The following CFAP54 variants were observed in gnomAD, a reference collection of about 807,000 sequenced individuals.
CFAP54 encodes cilia and flagella associated protein 54, also known as cilia- and flagella-associated protein 54.
In CFAP54, 290 loss-of-function variants were observed where a neutral mutation model predicts 370.4. The ratio of observed to expected loss-of-function variants is 0.78; its 90% CI spans 0.71 to 0.86. The LOEUF (loss-of-function observed/expected upper bound fraction) is 0.86. CFAP54 is among the 40% of genes least tolerant of loss of function. The pLI, the probability that CFAP54 is intolerant of heterozygous loss-of-function variation, is 0.00. For synonymous variants in CFAP54, 1,206 were observed against 1,236.5 expected (o/e 0.98, Z 0.52); for missense variants, 3,399 against 3,528.7 (o/e 0.96, Z 0.93).
chr12:96,621,875 GTTTTTTTTTTTTTTTTTTTT>G (rs71068819), intron 27 of CFAP54, among the ~76,000 whole-genome samples, 154 bp downstream of exon 27: 24 of 50,036 alleles, frequency 4.8e-4, no homozygotes, highest in African/African-American at 2.0e-3. Flanking sequence ...TTTTGGGTTT[GTTTTTTTTTTTTTTTTTTTT>G]TTTTTTTTTT....
intron 19 of CFAP54, among the ~76,000 whole-genome samples, chr12:96,573,685 G>A (rs1955947752): frequency 6.6e-6 from 1 of 152,170 alleles, no homozygotes; most frequent in Non-Finnish European, 1.5e-5. Context: ...GTGAAAAAGT[G>A]GAGGCAATGG....
chr12:96,591,347 G>GA (rs976488217), intron 23 of CFAP54, among the ~76,000 whole-genome samples: 5 of 151,756 alleles, frequency 3.3e-5, no homozygotes, highest in Non-Finnish European at 7.4e-5. Context: ...ATTCGCTAAG[G>GA]AAAAAAAAGA....
At chr12:96,751,009 A>G (rs1288415612) in intron 55 of CFAP54, among the ~76,000 whole-genome samples, 2 of 152,158 alleles carry the variant, frequency 1.3e-5, no homozygotes, top group African/African-American at 4.8e-5. Flanking sequence ...ACACAAATGG[A>G]CTACTTAAAA....
intron 25 of CFAP54, 71 bp downstream of exon 25, chr12:96,594,517 A>G: frequency 4.9e-6 from 6 of 1,225,166 alleles, no homozygotes; most frequent in Non-Finnish European, 6.5e-6. Flanking sequence ...TTTAGAAAAG[A>G]AAAGCCATGT....
intron 63 of CFAP54, among the ~76,000 whole-genome samples, chr12:96,800,289 A>G (rs771247250): frequency 2.6e-5 from 4 of 152,218 alleles, no homozygotes; most frequent in Admixed American, 6.5e-5. Flanking sequence ...GGTTTTATCC[A>G]TCAACAGTTG....
intron 63 of CFAP54, among the ~76,000 whole-genome samples, chr12:96,809,402 C>T (rs1223759793): frequency 1.3e-5 from 2 of 151,984 alleles, no homozygotes; most frequent in African/African-American, 4.8e-5. Flanking sequence ...GAGATGGATT[C>T]AACTTTATAT....
At chr12:96,576,498 C>A in intron 19 of CFAP54, 87 bp from the exon 20 acceptor site, 1 of 993,394 alleles carries the variant, frequency 1.0e-6, no homozygotes, top group South Asian at 2.1e-5. Flanking sequence ...AAAAATATAA[C>A]ATTGTTTAAC....
intron 39 of CFAP54, among the ~76,000 whole-genome samples, chr12:96,664,759 A>ATATATC (rs1295272845): frequency 1.5e-3 from 38 of 26,122 alleles, no homozygotes; most frequent in Admixed American, 1.2e-3. Context: ...ATATATCTAT[A>ATATATC]TATATCTATA....
At chr12:96,582,959 A>G (rs1956045237) in intron 22 of CFAP54, among the ~76,000 whole-genome samples, 2 of 152,168 alleles carry the variant, frequency 1.3e-5, no homozygotes, top group Admixed American at 1.3e-4. Context: ...AGTGCAATCT[A>G]ATTTTCATGA....
intron 46 of CFAP54, 78 bp downstream of exon 46, chr12:96,700,171 G>A (rs1026048454): frequency 8.4e-6 from 12 of 1,426,774 alleles, no homozygotes; most frequent in African/African-American, 5.8e-5. Context: ...ACATTCCCAC[G>A]AAAGTGTATT....
chr12:96,674,336 CTTTTTTTTTTTT>C (rs5800259), intron 39 of CFAP54, among the ~76,000 whole-genome samples: 2 of 125,016 alleles, frequency 1.6e-5, no homozygotes, highest in Admixed American at 1.7e-4. Context: ...CAATGTTTTT[CTTTTTTTTTTTT>C]TTTTGCTTCT....
intron 66 of CFAP54, among the ~76,000 whole-genome samples, chr12:96,860,410 C>G (rs941890858): frequency 1.3e-5 from 2 of 152,290 alleles, no homozygotes; most frequent in Admixed American, 1.3e-4. Context: ...CACGGTGCCT[C>G]TTTTAGATAC....
chr12:96,628,088 C>T (rs761908736), intron 30 of CFAP54, among the ~76,000 whole-genome samples: 3 of 152,082 alleles, frequency 2.0e-5, no homozygotes, highest in Non-Finnish European at 4.4e-5. Flanking sequence ...TACTATATCA[C>T]GAAGATGTGT....
At chr12:96,873,972 G>A (rs1960226153) in intron 67 of CFAP54, among the ~76,000 whole-genome samples, 2 of 152,078 alleles carry the variant, frequency 1.3e-5, no homozygotes, top group Non-Finnish European at 1.5e-5. Flanking sequence ...GTTCTCCGTA[G>A]CATATGTTCT....
At chr12:96,745,398 A>G (rs1259648041) in intron 55 of CFAP54, among the ~76,000 whole-genome samples, 1 of 152,142 alleles carries the variant, frequency 6.6e-6, no homozygotes, top group Non-Finnish European at 1.5e-5. Flanking sequence ...GTGAAATAGT[A>G]TCTCATTGTG....
intron 19 of CFAP54, among the ~76,000 whole-genome samples, chr12:96,568,239 A>G (rs1317854502): frequency 1.3e-5 from 2 of 151,684 alleles, no homozygotes; most frequent in Non-Finnish European, 2.9e-5. Flanking sequence ...TTTTTAAAAA[A>G]TGTAAAATTT....
intron 25 of CFAP54, among the ~76,000 whole-genome samples, chr12:96,598,158 G>A (rs1218602071): frequency 2.0e-5 from 3 of 151,966 alleles, no homozygotes; most frequent in Non-Finnish European, 4.4e-5. Context: ...GAAGCAAGGA[G>A]AATAGGAAGT....
intron 63 of CFAP54, among the ~76,000 whole-genome samples, chr12:96,792,770 G>A (rs1475109608): frequency 6.6e-6 from 1 of 151,902 alleles, no homozygotes; most frequent in Non-Finnish European, 1.5e-5. Flanking sequence ...TTTTTTGGTA[G>A]TTATTCTTTA....
chr12:96,496,041 A>G (rs1415667928), intron 1 of CFAP54, among the ~76,000 whole-genome samples: 1 of 152,346 alleles, frequency 6.6e-6, no homozygotes, highest in East Asian at 1.9e-4. Flanking sequence ...TAATAAAGCA[A>G]ACAAAACACC....
Sources: gnomAD v4.1 joint callset for allele counts (sites outside exome capture counted in the v4.1 genomes callset) on GRCh38, gnomAD v4.1.1 for gene constraint, MANE v1.5 for transcripts, NCBI Gene and HGNC (gene_info 2026-07-23, HGNC 2026-07-21) for gene names.